TCERG1L: variants seen among roughly 807,000 people sequenced by gnomAD.
TCERG1L encodes transcription elongation regulator 1-like protein.
A neutral mutation model predicts 56.3 loss-of-function variants in TCERG1L; 37 were observed. That is an observed-to-expected ratio of 0.66 (90% CI 0.51 to 0.87). The LOEUF (loss-of-function observed/expected upper bound fraction) is 0.87. Ranked by LOEUF, TCERG1L falls within the 40% of genes least tolerant of loss-of-function variation. The pLI, the probability that TCERG1L is intolerant of heterozygous loss-of-function variation, is 0.00. For synonymous variants in TCERG1L, 324 were observed against 326.3 expected (o/e 0.99, Z 0.08); for missense variants, 799 against 774.2 (o/e 1.03, Z -0.38).
At chr10:131,143,503 G>C (rs1444107771) in intron 7 of TCERG1L, among the ~76,000 whole-genome samples, 1 of 152,150 alleles carries the variant, frequency 6.6e-6, no homozygotes, top group African/African-American at 2.4e-5. Flanking sequence ...ATGTCCCAGT[G>C]AAGTGACAGG....
At chr10:131,307,152 T>C (rs915795035) in intron 3 of TCERG1L, among the ~76,000 whole-genome samples, 1 of 152,222 alleles carries the variant, frequency 6.6e-6, no homozygotes, top group African/African-American at 2.4e-5. Flanking sequence ...AACATGATCA[T>C]CTTAGTGTAA....
intron 6 of TCERG1L, chr10:131,161,686 C>T (rs1004139963): frequency 6.6e-6 from 1 of 152,218 alleles, no homozygotes; most frequent in Non-Finnish European, 1.5e-5. Context: ...ACACCAACCA[C>T]GTGACTGGAG....
chr10:131,230,445 A>C (rs35029484), intron 4 of TCERG1L, among the ~76,000 whole-genome samples: 9,314 of 152,264 alleles, frequency 0.061, 360 homozygotes, highest in Middle Eastern at 0.15. Context: ...CGGCTGAAGC[A>C]GTGGATCCTG....
intron 3 of TCERG1L, among the ~76,000 whole-genome samples, chr10:131,292,691 C>T (rs1289429760): frequency 2.0e-5 from 3 of 152,180 alleles, no homozygotes; most frequent in East Asian, 1.9e-4. Flanking sequence ...GCTGCCACAT[C>T]GTGGTTCGGG....
intron 3 of TCERG1L, among the ~76,000 whole-genome samples, chr10:131,304,228 C>T (rs1846796958): frequency 6.6e-6 from 1 of 152,044 alleles, no homozygotes; most frequent in Non-Finnish European, 1.5e-5. Context: ...TTTGCCTTTG[C>T]TGGAAAGAAG....
At chr10:131,280,183 C>CA (rs1422952024) in intron 3 of TCERG1L, among the ~76,000 whole-genome samples, 13 of 148,802 alleles carry the variant, frequency 8.7e-5, no homozygotes, top group East Asian at 4.0e-4. Context: ...GCTTCCAGGT[C>CA]ATGGTAGATA....
chr10:131,269,491 T>C (rs955632790), intron 3 of TCERG1L, among the ~76,000 whole-genome samples: 3 of 152,160 alleles, frequency 2.0e-5, no homozygotes, highest in African/African-American at 7.2e-5. Flanking sequence ...CCAGCCTCAA[T>C]TGATCTAATT....
chr10:131,285,415 G>GGA (rs1398845051), intron 3 of TCERG1L, among the ~76,000 whole-genome samples: 2 of 101,762 alleles, frequency 2.0e-5, no homozygotes, highest in African/African-American at 6.4e-5. Context: ...AGGAAGGAAA[G>GGA]AGAGAGAGAG....
chr10:131,092,860 T>C lies in TCERG1L; in HGVS notation c.*302A>G. On this transcript the variant is annotated 3_prime_UTR_variant, in exon 12 of 12. Transcript: ENST00000368642. ...AGATTGTTACAGAGGCTCCCGTTCCTGCTTCCCCACAGTCCTGCAGTGGAT... is the reference window on the plus strand; with the variant it reads ...AGATTGTTACAGAGGCTCCCGTTCCCGCTTCCCCACAGTCCTGCAGTGGAT... 4.3e-6 allele frequency: 1 copy of C among 234,546 alleles called. No homozygotes were observed. The allele number at this position is 234,546 out of a possible 1,614,324, so 14.5% of individuals were successfully genotyped here.
intron 4 of TCERG1L, among the ~76,000 whole-genome samples, chr10:131,217,669 C>G (rs1029814836): frequency 6.8e-6 from 1 of 147,050 alleles, no homozygotes; most frequent in Non-Finnish European, 1.5e-5. Context: ...TCCTTCCAGG[C>G]TGAGTCTTGC....
intron 6 of TCERG1L, among the ~76,000 whole-genome samples, chr10:131,153,656 C>T (rs972611114): frequency 6.6e-6 from 1 of 152,218 alleles, no homozygotes; most frequent in African/African-American, 2.4e-5. Context: ...CCTCAGGATG[C>T]ACTGACTCTA....
At chr10:131,150,655 AGCTCT>A (rs1845853585) in intron 6 of TCERG1L, among the ~76,000 whole-genome samples, 1 of 152,146 alleles carries the variant, frequency 6.6e-6, no homozygotes, top group Non-Finnish European at 1.5e-5. Flanking sequence ...GACCAGCAAG[AGCTCT>A]GTTCTGCCCA....
chr10:131,240,719 A>T (rs1046911094), intron 4 of TCERG1L, among the ~76,000 whole-genome samples: 3 of 152,180 alleles, frequency 2.0e-5, no homozygotes, highest in African/African-American at 7.2e-5. Context: ...GTCGGCGTCC[A>T]TCCTGTCTGA....
In TCERG1L at chr10:131,299,893, T is replaced by C. The variant is rs1195456182; in HGVS notation, c.670+8318A>G. Among the ~76,000 whole-genome samples, 3 of 152,148 alleles carry C rather than the reference T, an allele frequency of 2.0e-5. No individual in the cohort carries two copies. The East Asian group carries it at 5.8e-4, about 29-fold the overall frequency. On this transcript the variant is annotated intron_variant, in intron 3 of 11. Transcript: ENST00000368642. ...TGTATAATTTTACACATTATATAAC[T>C]ATCTTTTGCTCTTTATACTGTCAGT...
At chr10:131,126,238 C>T (rs745700726) in intron 8 of TCERG1L, among the ~76,000 whole-genome samples, 20 of 152,212 alleles carry the variant, frequency 1.3e-4, no homozygotes, top group Non-Finnish European at 2.6e-4. Context: ...TCATCTGTCC[C>T]GTGTGCACTT....
intron 3 of TCERG1L, among the ~76,000 whole-genome samples, chr10:131,299,756 C>T (rs1285649065): frequency 1.3e-5 from 2 of 152,056 alleles, no homozygotes; most frequent in Admixed American, 1.3e-4. Flanking sequence ...TAACTTGGCA[C>T]CTTCAAATAA....
At chr10:131,154,682 GA>G (rs769964033) in intron 6 of TCERG1L, among the ~76,000 whole-genome samples, 3 of 152,194 alleles carry the variant, frequency 2.0e-5, no homozygotes, top group Non-Finnish European at 4.4e-5. Flanking sequence ...AGGACTCCAG[GA>G]GGAGCGCAGG....
At chr10:131,256,354 T>C (rs1483600631) in intron 4 of TCERG1L, among the ~76,000 whole-genome samples, 1 of 152,102 alleles carries the variant, frequency 6.6e-6, no homozygotes, top group Non-Finnish European at 1.5e-5. Flanking sequence ...AAAAAAATAG[T>C]CACTTCCCAG....
At chr10:131,282,921 T>C (rs1417774572) in intron 3 of TCERG1L, among the ~76,000 whole-genome samples, 1 of 152,262 alleles carries the variant, frequency 6.6e-6, no homozygotes, top group Non-Finnish European at 1.5e-5. Flanking sequence ...TCATTTCTTA[T>C]GGGTCTTGAC....
Sources: gnomAD v4.1 joint callset for allele counts (sites outside exome capture counted in the v4.1 genomes callset) on GRCh38, gnomAD v4.1.1 for gene constraint, MANE v1.5 for transcripts, NCBI Gene and HGNC (gene_info 2026-07-23, HGNC 2026-07-21) for gene names.